The following PFKFB3 variants were observed in gnomAD, a reference collection of about 807,000 sequenced individuals.
PFKFB3 encodes 6-phosphofructo-2-kinase/fructose-2,6-bisphosphatase 3.
A neutral mutation model predicts 68.0 loss-of-function variants in PFKFB3; 33 were observed. The ratio of observed to expected loss-of-function variants is 0.49; its 90% CI spans 0.37 to 0.65. The LOEUF is 0.65. Ranked by LOEUF, PFKFB3 falls within the 30% of genes least tolerant of loss-of-function variation. The probability of loss-of-function intolerance (pLI) is 0.00; values close to 1 mark genes in which losing one functional copy is unlikely to be tolerated. For synonymous variants in PFKFB3, 315 were observed against 288.2 expected (o/e 1.09, Z -0.94); for missense variants, 586 against 712.2 (o/e 0.82, Z 2.02).
chr10:6,293,499 C>G, the PFKFB3 span, among the ~76,000 whole-genome samples: 1 of 152,168 alleles, frequency 6.6e-6, no homozygotes, highest in Admixed American at 6.5e-5. Flanking sequence ...GTGTGCACCA[C>G]CATGCCTGGC....
downstream of PFKFB3, among the ~76,000 whole-genome samples, chr10:6,259,582 T>TCATCCATCCATC (rs111915905): frequency 6.0e-3 from 814 of 135,064 alleles, 10 homozygotes; most frequent in African/African-American, 0.021. Flanking sequence ...ATCCATCCAC[T>TCATCCATCCATC]CATCCATCCA....
chr10:6,150,978 C>T (rs567578257), intron 1 of PFKFB3, among the ~76,000 whole-genome samples: 127 of 152,302 alleles, frequency 8.3e-4, no homozygotes, highest in African/African-American at 2.7e-3. Flanking sequence ...CTGGCCTGGG[C>T]GACAGAGCCA....
Position 6,189,493 on chromosome 10 carries a change from C to T in PFKFB3, c.17-24130C>T, listed in dbSNP as rs186373099. Among the ~76,000 whole-genome samples the T allele has an allele frequency of 4.0e-5, 6 of 149,372 alleles. No homozygotes were observed. In the South Asian group the frequency reaches 1.3e-3, roughly 32 times the overall value. On this transcript the variant is annotated intron_variant, in intron 1 of 14. Transcript: ENST00000379789. Reference sequence around the variant, plus strand: ...AGTGATGTGCCTGTCACAGACCAGACTGCTGATGGTGAGGTTCACTTTTTT... The same window carrying T: ...AGTGATGTGCCTGTCACAGACCAGATTGCTGATGGTGAGGTTCACTTTTTT...
At position 6,220,173 on chromosome 10, in the gene PFKFB3, C is replaced by T. The variant is rs769186119; in HGVS notation, c.623+480C>T. Among the ~76,000 whole-genome samples the T allele has an allele frequency of 1.2e-4, 19 of 152,090 alleles. No homozygotes were observed. The highest frequency in any genetic ancestry group is 2.6e-4 in the Non-Finnish European group (18 of 68,014). ...CTAGAGTGCAGTGGCATGATCATAGCTCACTGCAGGTTCAAACTTCTGGGC... is the reference window on the plus strand; with the variant it reads ...CTAGAGTGCAGTGGCATGATCATAGTTCACTGCAGGTTCAAACTTCTGGGC... On this transcript the variant is annotated intron_variant, in intron 7 of 14. Transcript: ENST00000379775. This position sits in a 1 kb window ranked among gnomAD's most constrained non-coding sequence, Gnocchi z 4.1.
At position 6,229,532 on chromosome 10, in the gene PFKFB3, C is replaced by T. The variant is rs1400242738; in HGVS notation, c.1515+3167C>T. Among the ~76,000 whole-genome samples, 1 of 152,200 alleles carries T rather than the reference C, an allele frequency of 6.6e-6. No homozygotes were observed. The highest frequency in any genetic ancestry group is 1.5e-5 in the Non-Finnish European group (1 of 68,044). On this transcript the variant is annotated intron_variant, in intron 14 of 14. Coordinates refer to ENST00000379775, the MANE Select transcript of PFKFB3 (RefSeq NM_004566.4). The surrounding 1 kb of genome is among the most constrained non-coding windows in gnomAD (Gnocchi z 4.3). ...TACCCCCACAGCCACCCCCTTGCAG[C>T]TGCTTCCCACAGCCAGGCTTTGCTT... is the stretch of plus-strand genomic sequence containing the variant.
chr10:6,201,624 T>G (rs1843360217), upstream of PFKFB3, among the ~76,000 whole-genome samples: 1 of 151,914 alleles, frequency 6.6e-6, no homozygotes, highest in South Asian at 2.1e-4. This position sits in a 1 kb window ranked among gnomAD's most constrained non-coding sequence, Gnocchi z 4.1. Flanking sequence ...GCGGGCGCCC[T>G]CCCTGTGGAG....
At chr10:6,224,808 T>C (rs1171603589) in intron 13 of PFKFB3, among the ~76,000 whole-genome samples, 4 of 152,170 alleles carry the variant, frequency 2.6e-5, no homozygotes, top group African/African-American at 4.8e-5. Flanking sequence ...AACATCAGCA[T>C]GGCACAGTTC....
chr10:6,190,281 G>T (rs765051054), intron 1 of PFKFB3, among the ~76,000 whole-genome samples: 2 of 152,168 alleles, frequency 1.3e-5, no homozygotes, highest in African/African-American at 2.4e-5. Flanking sequence ...CCACCCACTC[G>T]GTGATTCTTG....
intron 1 of PFKFB3, among the ~76,000 whole-genome samples, chr10:6,196,889 C>T (rs765838548): frequency 6.6e-6 from 1 of 152,028 alleles, no homozygotes; most frequent in Non-Finnish European, 1.5e-5. Context: ...CAATCCTCCC[C>T]CCGTCACGCT....
At chr10:6,206,507 C>T (rs1478919443) in intron 1 of PFKFB3, among the ~76,000 whole-genome samples, 1 of 134,018 alleles carries the variant, frequency 7.5e-6, no homozygotes, top group Non-Finnish European at 1.5e-5. Flanking sequence ...CAGAGGGGCT[C>T]CTCACTTCCC....
At chr10:6,262,846 G>A in the PFKFB3 span, among the ~76,000 whole-genome samples, 1 of 152,202 alleles carries the variant, frequency 6.6e-6, no homozygotes, top group Non-Finnish European at 1.5e-5. Flanking sequence ...ACAGCGAGGA[G>A]ACTCAGACTT....
Position 6,233,198 on chromosome 10 carries a change from G to C in PFKFB3, c.*256G>C, listed in dbSNP as rs1009592589. On this transcript the variant is annotated 3_prime_UTR_variant, in exon 15 of 15. Coordinates refer to ENST00000379775, the MANE Select transcript of PFKFB3 (RefSeq NM_004566.4). The stretch of plus-strand genomic sequence containing the variant: ...CACCTCCACTCTCTGGGTTTCCTAG[G>C]AATGTCCAGCCTCGGAGACCTTCAC... 3 of 492,048 alleles carry C rather than the reference G, an allele frequency of 6.1e-6. No individual in the cohort carries two copies. Among genetic ancestry groups the C allele is most frequent in the African/African-American group, 5.8e-5 (3 of 51,502 alleles). The allele number at this position is 492,048 out of a possible 1,614,324, so 30.5% of individuals were successfully genotyped here.
chr10:6,228,175 C>T lies in PFKFB3; in HGVS notation c.1515+1810C>T, dbSNP rs772134810. Reference sequence around the variant, plus strand: ...GCGCCCTGCCTCCTGACTGACTTCTCTCTCTGCTTCTCCTCCGCAGCCTTT... The same window carrying T: ...GCGCCCTGCCTCCTGACTGACTTCTTTCTCTGCTTCTCCTCCGCAGCCTTT... On this transcript the variant is annotated intron_variant, in intron 14 of 14. Transcript: ENST00000379775. The surrounding 1 kb of genome is among the most constrained non-coding windows in gnomAD (Gnocchi z 4.5). The T allele has an allele frequency of 1.9e-6, 3 of 1,612,686 alleles. No individual in the cohort carries two copies. The highest frequency in any genetic ancestry group is 2.5e-6 in the Non-Finnish European group (3 of 1,179,860).
the PFKFB3 span, among the ~76,000 whole-genome samples, chr10:6,305,850 T>C: frequency 6.6e-6 from 1 of 152,188 alleles, no homozygotes; most frequent in Admixed American, 6.5e-5. Flanking sequence ...AATGGGTCTT[T>C]TCAGATCACA....
rs1845560227 is a variant in PFKFB3 at position 6,229,103 on chromosome 10, A to T, written c.1515+2738A>T. On this transcript the variant is annotated intron_variant, in intron 14 of 14. Coordinates refer to ENST00000379775, the MANE Select transcript of PFKFB3 (RefSeq NM_004566.4). This position sits in a 1 kb window ranked among gnomAD's most constrained non-coding sequence, Gnocchi z 4.3. ...CTCCTTAAGTTACCTTAACTACTTTATGCAGAAACTGGAAAGGTGTGATGA... is the reference window on the plus strand; with the variant it reads ...CTCCTTAAGTTACCTTAACTACTTTTTGCAGAAACTGGAAAGGTGTGATGA... 4 of 531,658 alleles carry T rather than the reference A, an allele frequency of 7.5e-6. No individual in the cohort carries two copies. The Admixed American group carries it at 7.8e-5, about 10-fold the overall frequency. The allele number at this position is 531,658 out of a possible 1,614,324, so 32.9% of individuals were successfully genotyped here. A position where few individuals can be genotyped will look rare whatever the true frequency, so the allele number is the denominator to read the frequency against.
chr10:6,283,540 A>AGATGGAAGCCGGAAGACTCAGCCCACGCT, the PFKFB3 span, among the ~76,000 whole-genome samples: 2 of 151,036 alleles, frequency 1.3e-5, no homozygotes, highest in African/African-American at 2.4e-5. Context: ...CATGGGAGAA[A>AGATGGAAGCCGGAAGACTCAGCCCACGCT]GATGGAGGCT....
At chr10:6,193,599 T>C (rs1416422212) in intron 1 of PFKFB3, among the ~76,000 whole-genome samples, 1 of 152,182 alleles carries the variant, frequency 6.6e-6, no homozygotes, top group Non-Finnish European at 1.5e-5. Flanking sequence ...CCAAACAGGC[T>C]TTATGTGAGC....
intron 1 of PFKFB3, among the ~76,000 whole-genome samples, chr10:6,195,056 G>T (rs1268532470): frequency 6.6e-6 from 1 of 151,988 alleles, no homozygotes; most frequent in Non-Finnish European, 1.5e-5. Flanking sequence ...TATTTTTATA[G>T]AGATGGGGTT....
chr10:6,321,931 G>A, the PFKFB3 span, among the ~76,000 whole-genome samples: 2 of 152,118 alleles, frequency 1.3e-5, no homozygotes, highest in African/African-American at 4.8e-5. Flanking sequence ...CAGGGCTTCC[G>A]CTCAAGACCT....
Sources: allele counts gnomAD v4.1 joint callset (sites outside exome capture counted in the v4.1 genomes callset), GRCh38; gene constraint gnomAD v4.1.1; non-coding constraint Gnocchi (gnomAD v3.1); transcripts MANE v1.5; gene names NCBI Gene and HGNC (gene_info 2026-07-23, HGNC 2026-07-21).